Variants in BCL6 observed in about 807,000 individuals in gnomAD.
BCL6 encodes B-cell lymphoma 6 protein.
A neutral mutation model predicts 59.5 loss-of-function variants in BCL6; 7 were observed. The ratio of observed to expected loss-of-function variants is 0.12; its 90% confidence interval spans 0.07 to 0.22. The LOEUF (loss-of-function observed/expected upper bound fraction) is 0.22, where lower values mean the gene tolerates loss of function less well. Among genes scored for constraint, BCL6 ranks in the 10% least tolerant of loss-of-function variants. BCL6 has a pLI of 1.00. For missense variants in BCL6, 685 were observed against 939.4 expected (o/e 0.73, Z 3.54); for synonymous variants, 339 against 349.7 (o/e 0.97, Z 0.34).
chr3:187,745,303 A>T (rs1711898121), intron 1 of BCL6, 107 bp downstream of exon 1: 2 of 399,268 alleles, frequency 5.0e-6, no homozygotes, highest in Middle Eastern at 5.6e-4. Flanking sequence ...AAAGAATTAA[A>T]AGGTAAAATA....
At chr3:187,741,654 G>A (rs980432352) in intron 1 of BCL6, among the ~76,000 whole-genome samples, 4 of 152,174 alleles carry the variant, frequency 2.6e-5, no homozygotes, top group African/African-American at 9.7e-5. Flanking sequence ...CGGCGGCAGC[G>A]GCGGTCCCAC....
chr3:187,730,836 C>T lies in BCL6; in HGVS notation c.384-815G>A, dbSNP rs370684658. Among the ~76,000 whole-genome samples the T allele has an allele frequency of 2.6e-5, 4 of 152,290 alleles. No homozygotes were observed. The East Asian group carries it at 5.8e-4, about 22-fold the overall frequency. On this transcript the variant is annotated intron_variant, in intron 4 of 9. Transcript: ENST00000406870. ...GCAAGCTCACCATGATCACAGTTAA[C>T]GGAGCTAGAACCCATAAGAAGGTTA... is the stretch of plus-strand genomic sequence containing the variant.
At chr3:187,741,597 G>A (rs2108480018) in intron 1 of BCL6, among the ~76,000 whole-genome samples, 1 of 152,294 alleles carries the variant, frequency 6.6e-6, no homozygotes, top group South Asian at 2.1e-4. Context: ...CTGGGGCAAA[G>A]AGAAACCAGC....
At chr3:187,728,333 C>G (rs1021789963) in intron 6 of BCL6, 27 bp downstream of exon 6, 13 of 1,547,252 alleles carry the variant, frequency 8.4e-6, no homozygotes, top group Non-Finnish European at 1.1e-5. Context: ...TTCTCCCTGA[C>G]AAGAGGAGGG....
intron 3 of BCL6, among the ~76,000 whole-genome samples, chr3:187,733,163 C>T (rs1719127534): frequency 6.6e-6 from 1 of 152,108 alleles, no homozygotes; most frequent in South Asian, 2.1e-4. Context: ...AAGAGCAAAA[C>T]ATTTCAAATT....
chr3:187,727,638 C>T (rs112741602), intron 6 of BCL6, among the ~76,000 whole-genome samples: 3,549 of 152,260 alleles, frequency 0.023, 39 homozygotes, highest in Non-Finnish European at 0.033. Context: ...GGACAGTCCC[C>T]GCTCTCCCAT....
rs200695327 is a variant in BCL6 at position 187,725,091 on chromosome 3, G to C, written c.1840-13C>G. On this transcript the variant is annotated splice_polypyrimidine_tract_variant and intron_variant, in intron 8 of 9. Coordinates refer to ENST00000406870, the MANE Select transcript of BCL6 (RefSeq NM_001706.5). This position sits in a 1 kb window ranked among gnomAD's most constrained non-coding sequence, Gnocchi z 4.7. ...GGAGGTGGGCCACCTGAACGAAGAA[G>C]AAGGCATGAGAGGTCTTCTGGGGTG... is the stretch of plus-strand genomic sequence containing the variant. 1.9e-6 allele frequency: 3 copies of C among 1,613,618 alleles called. No homozygotes were observed.
At chr3:187,742,492 T>C (rs543249813) in intron 1 of BCL6, among the ~76,000 whole-genome samples, 3 of 152,348 alleles carry the variant, frequency 2.0e-5, no homozygotes, top group East Asian at 1.9e-4. Flanking sequence ...GAATTCCCAC[T>C]TTTTCTGGCT....
rs1718660473 is a variant in BCL6, at chr3:187,725,777, A to G, written c.1709-148T>C. 3 of 1,035,570 alleles carry G rather than the reference A, an allele frequency of 2.9e-6. No individual in the cohort carries two copies. Among genetic ancestry groups the G allele is most frequent in the Non-Finnish European group, 2.7e-6 (2 of 729,136 alleles). 64.1% of individuals were successfully genotyped at this position (1,035,570 alleles called of 1,614,324 possible). On this transcript the variant is annotated intron_variant, in intron 7 of 9. Transcript: ENST00000406870. This position sits in a 1 kb window ranked among gnomAD's most constrained non-coding sequence, Gnocchi z 4.7. ...TTAGGGAATGTGAGAGAGAGAATCC[A>G]GGGGCCTGCCCCCACATCTGTCAGC...
intron 1 of BCL6, among the ~76,000 whole-genome samples, chr3:187,744,749 A>G (rs1711815632): frequency 2.6e-5 from 4 of 152,160 alleles, no homozygotes; most frequent in Middle Eastern, 3.4e-3. Context: ...AGGACAGGGG[A>G]AGGGAAGGAA....
chr3:187,722,406 T>C lies in BCL6; in HGVS notation c.*52A>G. On this transcript the variant is annotated 3_prime_UTR_variant, in exon 10 of 10. Transcript: ENST00000406870. ...ACATTGTAAAGTGTTACAGTATCCT[T>C]TGGGTAGATTCTGAGAAGGGGCTGG... 1 of 1,531,174 alleles carries C rather than the reference T, an allele frequency of 6.5e-7. No individual in the cohort carries two copies. 94.8% of individuals were successfully genotyped at this position (1,531,174 alleles called of 1,614,324 possible). A position where few individuals can be genotyped will look rare whatever the true frequency, so the allele number is the denominator to read the frequency against.
chr3:187,736,567 G>A (rs1037947614), intron 1 of BCL6: 1 of 152,206 alleles, frequency 6.6e-6, no homozygotes, highest in Non-Finnish European at 1.5e-5. Context: ...CATGACAAGT[G>A]GCAATGACTC....
Position 187,722,366 on chromosome 3 carries a change from T to A in BCL6, c.*92A>T. 9.7e-7 allele frequency: 1 copy of A among 1,032,268 alleles called. No homozygotes were observed. Among genetic ancestry groups the A allele is most frequent in the Non-Finnish European group, 1.2e-6 (1 of 824,448 alleles). 63.9% of individuals were successfully genotyped at this position (1,032,268 alleles called of 1,614,324 possible). On this transcript the variant is annotated 3_prime_UTR_variant, in exon 10 of 10. Coordinates refer to ENST00000406870, the MANE Select transcript of BCL6 (RefSeq NM_001706.5). ...TTGCACTAGTGGATGAAAGAGGCAC[T>A]ACATCATGGGATGAACATTGTAAAG...
rs527909968 is a variant in BCL6, at chr3:187,733,170, A to T, written c.161+363T>A. On this transcript the variant is annotated intron_variant, in intron 3 of 9. Transcript: ENST00000406870. Reference sequence around the variant, plus strand: ...TAGCATAAAAGAGCAAAACATTTCAAATTAACTTGCTTAAGCTACTTAAAG... The same window carrying T: ...TAGCATAAAAGAGCAAAACATTTCATATTAACTTGCTTAAGCTACTTAAAG... 1.8e-4 allele frequency among the ~76,000 whole-genome samples: 27 copies of T among 152,340 alleles called. 1 individual carries two copies. Among genetic ancestry groups the T allele is most frequent in the Middle Eastern group, 6.8e-3 (2 of 294 alleles).
At chr3:187,744,781 AG>A in intron 1 of BCL6, among the ~76,000 whole-genome samples, 1 of 151,354 alleles carries the variant, frequency 6.6e-6, no homozygotes, top group South Asian at 2.1e-4. Context: ...GAAAAAGAGG[AG>A]GGAGGGAAGC....
chr3:187,728,610 TG>T, intron 5 of BCL6, 66 bp from the exon 6 acceptor site: 2 of 1,493,334 alleles, frequency 1.3e-6, no homozygotes, highest in Non-Finnish European at 1.8e-6. Flanking sequence ...CTCTCCTCCC[TG>T]TGTGTAGGCA....
At chr3:187,742,437 G>T (rs1711640798) in intron 1 of BCL6, among the ~76,000 whole-genome samples, 1 of 152,136 alleles carries the variant, frequency 6.6e-6, no homozygotes, top group Admixed American at 6.5e-5. Flanking sequence ...AGAAAGCATT[G>T]GTATAAAACC....
rs768391578 is a variant in BCL6 at position 187,725,678 on chromosome 3, G to T, written c.1709-49C>A. 1 of 1,609,194 alleles carries T rather than the reference G, an allele frequency of 6.2e-7. No homozygotes were observed. The highest frequency in any genetic ancestry group is 8.5e-7 in the Non-Finnish European group (1 of 1,177,016). ...AGAAAAGCCATATTCAATAAGGAAG[G>T]TCTCTGCAGTCCGTGGCTCCTGGAT... is the stretch of plus-strand genomic sequence containing the variant. On this transcript the variant is annotated intron_variant, in intron 7 of 9. Coordinates refer to ENST00000406870, the MANE Select transcript of BCL6 (RefSeq NM_001706.5). The surrounding 1 kb of genome is among the most constrained non-coding windows in gnomAD (Gnocchi z 4.7).
At chr3:187,730,864 G>C (rs566855195) in intron 4 of BCL6, among the ~76,000 whole-genome samples, 5 of 152,332 alleles carry the variant, frequency 3.3e-5, no homozygotes, top group African/African-American at 9.6e-5. Context: ...GAAGGTTAAA[G>C]AGAAGCCAAA....
Sources: allele counts gnomAD v4.1 joint callset (sites outside exome capture counted in the v4.1 genomes callset), GRCh38; gene constraint gnomAD v4.1.1; non-coding constraint Gnocchi (gnomAD v3.1); transcripts MANE v1.5; gene names NCBI Gene and HGNC (gene_info 2026-07-23, HGNC 2026-07-21).